Variants in SRPK2 observed in about 807,000 individuals in gnomAD.
SRPK2 encodes the protein SRSF protein kinase 2, also known as SFRS protein kinase 2.
A neutral mutation model predicts 90.8 loss-of-function variants in SRPK2; 21 were observed. The ratio of observed to expected loss-of-function variants is 0.23; its 90% CI spans 0.16 to 0.33. SRPK2 has a LOEUF of 0.33. Ranked by LOEUF, SRPK2 falls within the 10% of genes least tolerant of loss-of-function variation. The probability of loss-of-function intolerance (pLI) is 1.00; values close to 1 mark genes in which losing one functional copy is unlikely to be tolerated. For synonymous variants in SRPK2, 288 were observed against 311.1 expected (o/e 0.93, Z 0.78); for missense variants, 620 against 869.0 (o/e 0.71, Z 3.60).
intron 3 of SRPK2, among the ~76,000 whole-genome samples, chr7:105,170,778 AGGAC>A (rs1563024289): frequency 1.3e-5 from 1 of 78,110 alleles, no homozygotes; most frequent in African/African-American, 5.3e-5. Context: ...GAAGGAAGGA[AGGAC>A]GGGAGGGAGG....
At chr7:105,398,953 T>C (rs1822399440) in intron 1 of SRPK2, among the ~76,000 whole-genome samples, 1 of 152,214 alleles carries the variant, frequency 6.6e-6, no homozygotes, top group Non-Finnish European at 1.5e-5. Context: ...CATAAAATAC[T>C]TGGAGGAGTA....
intron 2 of SRPK2, among the ~76,000 whole-genome samples, chr7:105,289,547 C>G (rs1808668512): frequency 6.6e-6 from 1 of 152,156 alleles, no homozygotes; most frequent in Non-Finnish European, 1.5e-5. Flanking sequence ...CCCAGGAATT[C>G]AAAGCCAGTC....
intron 3 of SRPK2, among the ~76,000 whole-genome samples, chr7:105,201,772 G>A (rs1194119304): frequency 6.6e-6 from 1 of 152,070 alleles, no homozygotes; most frequent in African/African-American, 2.4e-5. Context: ...TCAAGCCCAG[G>A]ACTCAGGAGG....
At chr7:105,171,579 AATATATTCCCAGAG>A (rs1448023911) in intron 3 of SRPK2, among the ~76,000 whole-genome samples, 1 of 152,238 alleles carries the variant, frequency 6.6e-6, no homozygotes, top group African/African-American at 2.4e-5. Flanking sequence ...CAGATCCTTC[AATATATTCCCAGAG>A]GGCTCTCAAT....
chr7:105,238,504 A>G (rs1057221177), intron 2 of SRPK2, among the ~76,000 whole-genome samples: 2 of 152,224 alleles, frequency 1.3e-5, no homozygotes, highest in Non-Finnish European at 2.9e-5. Context: ...AATCACTGGA[A>G]GGACTCAGCT....
intron 2 of SRPK2, among the ~76,000 whole-genome samples, chr7:105,320,223 A>G (rs562338182): frequency 3.0e-4 from 45 of 151,232 alleles, no homozygotes; most frequent in Admixed American, 9.8e-4. Context: ...TCACACAAAC[A>G]CCCACGCATA....
chr7:105,253,912 C>A lies in SRPK2; in HGVS notation c.72-50127G>T, dbSNP rs78507927. ...TTTATTTTAAAAAAAAACAAACAAA[C>A]AAAAAAAAACAAGCCAGCCATCTGT... On this transcript the variant is annotated intron_variant, in intron 2 of 15. Coordinates refer to ENST00000393651, the MANE Select transcript of SRPK2 (RefSeq NM_182692.3). Among the ~76,000 whole-genome samples the A allele has an allele frequency of 3.2e-3, 478 of 151,602 alleles. 1 individual carries two copies. Among genetic ancestry groups the A allele is most frequent in the East Asian group, 0.016 (82 of 5,152 alleles).
At chr7:105,322,660 G>A (rs1813068193) in intron 2 of SRPK2, among the ~76,000 whole-genome samples, 1 of 152,018 alleles carries the variant, frequency 6.6e-6, no homozygotes. Flanking sequence ...AGAAGTGGTG[G>A]CTGCACAGCA....
chr7:105,306,420 G>C, intron 2 of SRPK2: 1 of 420,706 alleles, frequency 2.4e-6, no homozygotes. Flanking sequence ...AGATGTTTAA[G>C]TAGAAATTTT....
At chr7:105,273,431 C>CT (rs11284964) in intron 2 of SRPK2, among the ~76,000 whole-genome samples, 124 of 140,462 alleles carry the variant, frequency 8.8e-4, no homozygotes, top group East Asian at 1.7e-3. Flanking sequence ...TTCTTTTTTT[C>CT]TTTTTTTTTT....
intron 3 of SRPK2, among the ~76,000 whole-genome samples, chr7:105,199,297 T>C (rs1585146264): frequency 6.6e-6 from 1 of 152,202 alleles, no homozygotes; most frequent in Non-Finnish European, 1.5e-5. Context: ...TCTTTTGTTG[T>C]TAATTTTTTT....
intron 8 of SRPK2, 106 bp from the exon 9 acceptor site, chr7:105,145,414 A>G: frequency 1.4e-6 from 1 of 724,318 alleles, no homozygotes; most frequent in Non-Finnish European, 2.2e-6. Context: ...TTTAATGGCT[A>G]TCCAACTTCA....
At position 105,320,074 on chromosome 7, in the gene SRPK2, A is replaced by C. The variant is rs549716676; in HGVS notation, c.71+68574T>G. Among the ~76,000 whole-genome samples the C allele has an allele frequency of 8.5e-5, 13 of 152,302 alleles. 1 individual carries two copies. The highest frequency in any genetic ancestry group is 3.1e-4 in the African/African-American group (13 of 41,564). Reference sequence around the variant, plus strand: ...GTCTTTCCACCAATCCACTTTATTAAATCTTCACACAGTTACATTTTCTCT... The same window carrying C: ...GTCTTTCCACCAATCCACTTTATTACATCTTCACACAGTTACATTTTCTCT... On this transcript the variant is annotated intron_variant, in intron 2 of 15. Transcript: ENST00000393651.
At chr7:105,217,585 C>G (rs917085515) in intron 2 of SRPK2, among the ~76,000 whole-genome samples, 10 of 152,220 alleles carry the variant, frequency 6.6e-5, no homozygotes, top group Non-Finnish European at 1.2e-4. Flanking sequence ...CAGACTGATA[C>G]TCTCAGAACT....
intron 2 of SRPK2, among the ~76,000 whole-genome samples, chr7:105,321,646 T>A (rs1488800561): frequency 1.3e-5 from 2 of 152,124 alleles, no homozygotes; most frequent in Admixed American, 6.6e-5. Context: ...AAGATTTTAA[T>A]AGAATCTCTC....
intron 1 of SRPK2, chr7:105,399,135 A>G (rs1213558345): frequency 6.6e-6 from 1 of 152,232 alleles, no homozygotes; most frequent in Admixed American, 6.5e-5. Flanking sequence ...AGCTTAAAAA[A>G]ATAAACATTT....
intron 2 of SRPK2, among the ~76,000 whole-genome samples, chr7:105,240,996 G>T (rs1311580573): frequency 6.6e-6 from 1 of 152,138 alleles, no homozygotes; most frequent in East Asian, 1.9e-4. Context: ...AAATTGGAGG[G>T]AAGGGATTGA....
chr7:105,236,644 A>AAC (rs1312441234), intron 2 of SRPK2, among the ~76,000 whole-genome samples: 1 of 152,140 alleles, frequency 6.6e-6, no homozygotes, highest in Non-Finnish European at 1.5e-5. Context: ...TTGACACACA[A>AAC]AACAAACACC....
chr7:105,389,924 G>T (rs117301646), upstream of SRPK2, among the ~76,000 whole-genome samples: 2 of 152,076 alleles, frequency 1.3e-5, no homozygotes, highest in Non-Finnish European at 2.9e-5. Flanking sequence ...AAATCAGAAC[G>T]GGAAACTCTG....
Sources: gnomAD v4.1 joint callset for allele counts (sites outside exome capture counted in the v4.1 genomes callset) on GRCh38, gnomAD v4.1.1 for gene constraint, MANE v1.5 for transcripts, NCBI Gene and HGNC (gene_info 2026-07-23, HGNC 2026-07-21) for gene names.